AFF1: variants seen among roughly 807,000 people sequenced by gnomAD.
The protein encoded by AFF1 is AF4/FMR2 family member 1.
In AFF1, 48 loss-of-function variants were observed where a neutral mutation model predicts 121.7. The observed-to-expected ratio is 0.39, with a 90% CI of 0.31 to 0.50. AFF1 has a LOEUF of 0.50. AFF1 is among the 20% of genes least tolerant of loss of function. The pLI is 0.76. For missense variants in AFF1, 1,523 were observed against 1,511.7 expected (o/e 1.01, Z -0.12); for synonymous variants, 613 against 563.0 (o/e 1.09, Z -1.26).
chr4:87,105,863 C>T lies in AFF1; in HGVS notation c.1376+18C>T, dbSNP rs539651209. On this transcript the variant is annotated intron_variant, in intron 10 of 20. Transcript: ENST00000395146. Reference sequence around the variant, plus strand: ...CCTCCAAGGTACCGTGTGGGTTTCTCCCCATCTGTACAGAATGTTTGCAAT... The same window carrying T: ...CCTCCAAGGTACCGTGTGGGTTTCTTCCCATCTGTACAGAATGTTTGCAAT... The T allele has an allele frequency of 1.2e-6, 2 of 1,613,824 alleles. No individual in the cohort carries two copies. The highest frequency in any genetic ancestry group is 2.2e-5 in the East Asian group (1 of 44,878).
intron 2 of AFF1, among the ~76,000 whole-genome samples, chr4:87,039,340 G>A (rs1729879293): frequency 6.6e-6 from 1 of 152,212 alleles, no homozygotes; most frequent in Non-Finnish European, 1.5e-5. Context: ...ACAGGCCCCA[G>A]CATGGGGTTG....
intron 2 of AFF1, among the ~76,000 whole-genome samples, chr4:86,956,530 A>G (rs1413701692): frequency 6.6e-6 from 1 of 152,212 alleles, no homozygotes; most frequent in African/African-American, 2.4e-5. Context: ...TTGTGCAACC[A>G]TTACTACAAT....
At chr4:86,997,600 A>C (rs1725316118) in intron 2 of AFF1, among the ~76,000 whole-genome samples, 1 of 151,470 alleles carries the variant, frequency 6.6e-6, no homozygotes, top group Admixed American at 6.6e-5. Context: ...ATCTCTACTA[A>C]AAATACAAAA....
chr4:86,937,563 TTATC>T (rs943294417), intron 1 of AFF1, among the ~76,000 whole-genome samples: 3 of 152,132 alleles, frequency 2.0e-5, no homozygotes, highest in Non-Finnish European at 4.4e-5. Flanking sequence ...ACATATATAT[TTATC>T]AGGCACCTTT....
chr4:87,129,486 C>T (rs565584225), intron 16 of AFF1, among the ~76,000 whole-genome samples: 158 of 152,168 alleles, frequency 1.0e-3, no homozygotes, highest in African/African-American at 3.7e-3. Flanking sequence ...TTATTTCTAG[C>T]CTAAAGCCAA....
intron 2 of AFF1, among the ~76,000 whole-genome samples, chr4:86,987,280 A>G (rs1249605593): frequency 6.6e-6 from 1 of 152,154 alleles, no homozygotes; most frequent in African/African-American, 2.4e-5. Flanking sequence ...ATAAGCAATA[A>G]TGTTGCTTGT....
intron 15 of AFF1, 43 bp downstream of exon 15, chr4:87,127,160 T>TGTG: frequency 6.8e-7 from 1 of 1,474,264 alleles, no homozygotes; most frequent in Non-Finnish European, 9.3e-7. Context: ...TTTGTTTTGT[T>TGTG]TTGCTTCCCC....
Position 87,115,168 on chromosome 4 carries a change from C to T in AFF1, c.2335C>T (p.Arg779Trp), listed in dbSNP as rs368760847. The change falls in exon 12 of 21, where the codon CGG becomes TGG. Residue 779 changes from arginine to tryptophan, a missense_variant. Physicochemically the swap from Arg to Trp is moderately radical, Grantham distance 101. Coordinates refer to ENST00000395146, the MANE Select transcript of AFF1 (RefSeq NM_001166693.3). ...GAAGATCACCCTAGACCTGCTCTCT[C>T]GGATACCCCAGCCTCCCGGGAAGGG... Reference protein sequence around the residue: ...MVKITLDLLSRIPQPPGKGSR... With the variant: ...MVKITLDLLSWIPQPPGKGSR... 6.4e-5 allele frequency: 104 copies of T among 1,614,072 alleles called. No individual in the cohort carries two copies. The African/African-American group carries it at 1.1e-3, about 16-fold the overall frequency.
intron 19 of AFF1, 93 bp from the exon 20 acceptor site, chr4:87,134,378 T>C (rs1729118535): frequency 8.3e-7 from 1 of 1,198,434 alleles, no homozygotes; most frequent in East Asian, 2.4e-5. Flanking sequence ...TGAAACTTTG[T>C]GTCTTGGACT....
At position 87,005,352 on chromosome 4, in the gene AFF1, C is replaced by T. The variant is rs752842059; in HGVS notation, c.39-40814C>T. On this transcript the variant is annotated intron_variant, in intron 2 of 20. Coordinates refer to ENST00000395146, the MANE Select transcript of AFF1 (RefSeq NM_001166693.3). ...AGATCTTCTCATATAACTTTCATCA[C>T]TGTCACTCTGATCTCATCAGGAAAG... 7.2e-5 allele frequency among the ~76,000 whole-genome samples: 11 copies of T among 152,350 alleles called. No individual in the cohort carries two copies. The East Asian group carries it at 2.1e-3, about 29-fold the overall frequency.
intron 4 of AFF1, among the ~76,000 whole-genome samples, chr4:87,079,249 T>G (rs1049930903): frequency 6.6e-6 from 1 of 152,192 alleles, no homozygotes; most frequent in Non-Finnish European, 1.5e-5. Context: ...TGCAAGAGCC[T>G]CCCAGTCTCA....
chr4:87,063,228 C>CTTTTTTGTTTTTTTTTT (rs1720963368), intron 4 of AFF1, among the ~76,000 whole-genome samples: 1 of 44,402 alleles, frequency 2.3e-5, no homozygotes, highest in Non-Finnish European at 4.2e-5. Flanking sequence ...AGATTCACCT[C>CTTTTTTGTTTTTTTTTT]TTTTTTTTTT....
Position 87,135,577 on chromosome 4 carries a change from C to A in AFF1, c.3536-3C>A. 1 of 1,541,036 alleles carries A rather than the reference C, an allele frequency of 6.5e-7. No individual in the cohort carries two copies. On this transcript the variant is annotated splice_region_variant and splice_polypyrimidine_tract_variant and intron_variant, in intron 20 of 20. Coordinates refer to ENST00000395146, the MANE Select transcript of AFF1 (RefSeq NM_001166693.3). ...TTTTTGTTTTGTTTTGTTTTTTTTG[C>A]AGAATTCTTTGCTCGGCTCAGCACA...
In AFF1 at chr4:86,984,191, C is replaced by T. The variant is rs114578337; in HGVS notation, c.38+35620C>T. 3.9e-3 allele frequency among the ~76,000 whole-genome samples: 590 copies of T among 152,100 alleles called. 5 individuals are homozygous for T. Among genetic ancestry groups the T allele is most frequent in the African/African-American group, 0.014 (566 of 41,498 alleles). ...GAAATTTGTAAATGCTGTGGACAAT[C>T]GTAATTTTTCCTGTTGATGATTAAG... On this transcript the variant is annotated intron_variant, in intron 2 of 20. Coordinates refer to ENST00000395146, the MANE Select transcript of AFF1 (RefSeq NM_001166693.3).
chr4:87,099,026 G>C (rs1357761234), intron 8 of AFF1, among the ~76,000 whole-genome samples: 1 of 152,222 alleles, frequency 6.6e-6, no homozygotes, highest in Non-Finnish European at 1.5e-5. Flanking sequence ...TGTAAGTAGT[G>C]TCAGCTGAAA....
At chr4:86,960,310 G>A (rs1392689814) in intron 2 of AFF1, among the ~76,000 whole-genome samples, 1 of 152,166 alleles carries the variant, frequency 6.6e-6, no homozygotes, top group African/African-American at 2.4e-5. Context: ...TCCTGCATGT[G>A]TTGAGAATTG....
chr4:87,060,747 G>A (rs1470952532), intron 4 of AFF1, among the ~76,000 whole-genome samples: 1 of 149,546 alleles, frequency 6.7e-6, no homozygotes, highest in Non-Finnish European at 1.5e-5. Context: ...GCTGAGACAG[G>A]AGAATTGCTT....
chr4:87,094,841 C>T, intron 7 of AFF1, 74 bp from the exon 8 acceptor site: 1 of 1,460,492 alleles, frequency 6.8e-7, no homozygotes, highest in African/African-American at 1.4e-5. Flanking sequence ...TGGGGACCGA[C>T]ATAAAAGAAC....
intron 1 of AFF1, 141 bp from the exon 2 acceptor site, chr4:86,948,357 A>C (rs1460695450): frequency 1.8e-6 from 1 of 560,106 alleles, no homozygotes; most frequent in Non-Finnish European, 3.1e-6. Context: ...TTGTTCATAC[A>C]ACTTGGGAAT....
Sources: allele counts gnomAD v4.1 joint callset (sites outside exome capture counted in the v4.1 genomes callset), GRCh38; gene constraint gnomAD v4.1.1; transcripts MANE v1.5; gene names NCBI Gene and HGNC (gene_info 2026-07-23, HGNC 2026-07-21).